Variants in NSUN7 observed in about 807,000 individuals in gnomAD.
NSUN7 encodes the protein NOP2/Sun RNA methyltransferase family member 7, also known as protein NSUN7.
Under a neutral mutation model 58.5 loss-of-function variants are expected in NSUN7, and 39 were observed. That is an observed-to-expected ratio of 0.67 (90% CI 0.52 to 0.87). The LOEUF is 0.87. NSUN7 is among the 40% of genes least tolerant of loss of function. The pLI, the probability that NSUN7 is intolerant of heterozygous loss-of-function variation, is 0.00. For synonymous variants in NSUN7, 278 were observed against 303.7 expected (o/e 0.92, Z 0.88); for missense variants, 765 against 844.1 (o/e 0.91, Z 1.16).
intron 7 of NSUN7, among the ~76,000 whole-genome samples, chr4:40,777,544 G>T (rs1742329354): frequency 6.6e-6 from 1 of 152,104 alleles, no homozygotes; most frequent in African/African-American, 2.4e-5. Flanking sequence ...TCGAACTCCT[G>T]ACCTCAGGTG....
At chr4:40,785,964 G>A in intron 7 of NSUN7, 1 of 1,132,872 alleles carries the variant, frequency 8.8e-7, no homozygotes, top group Non-Finnish European at 1.2e-6. Context: ...ATAGGTATCA[G>A]GGCGCCTCCC....
At chr4:40,768,360 C>T (rs1489179604) in intron 4 of NSUN7, among the ~76,000 whole-genome samples, 1 of 151,928 alleles carries the variant, frequency 6.6e-6, no homozygotes, top group Admixed American at 6.6e-5. Context: ...CGCCATTATG[C>T]CTGTGTTTTT....
chr4:40,778,021 GA>G, intron 7 of NSUN7, among the ~76,000 whole-genome samples: 1 of 152,268 alleles, frequency 6.6e-6, no homozygotes, highest in East Asian at 1.9e-4. Flanking sequence ...TTCTAGAACT[GA>G]AAAATACAAT....
intron 8 of NSUN7, among the ~76,000 whole-genome samples, chr4:40,792,106 G>A (rs1743095260): frequency 6.6e-6 from 1 of 152,178 alleles, no homozygotes; most frequent in Non-Finnish European, 1.5e-5. Flanking sequence ...TGGTAGAATG[G>A]TAGGTAGGCT....
intron 7 of NSUN7, among the ~76,000 whole-genome samples, chr4:40,785,676 A>AATTAC (rs58667526): frequency 6.6e-6 from 1 of 151,874 alleles, no homozygotes; most frequent in Non-Finnish European, 1.5e-5. Context: ...TTGGAATTAA[A>AATTAC]ATACTTCAAA....
Position 40,809,019 on chromosome 4 carries a change from T to C in NSUN7, c.*80T>C. 1 of 1,340,440 alleles carries C rather than the reference T, an allele frequency of 7.5e-7. No individual in the cohort carries two copies. The highest frequency in any genetic ancestry group is 9.9e-7 in the Non-Finnish European group (1 of 1,011,992). 83.0% of individuals were successfully genotyped at this position (1,340,440 alleles called of 1,614,324 possible). A position where few individuals can be genotyped will look rare whatever the true frequency, so the allele number is the denominator to read the frequency against. On this transcript the variant is annotated 3_prime_UTR_variant, in exon 12 of 12. Transcript: ENST00000381782. ...AGTATTTCTCTGAAGATTCTACATC[T>C]CTACACAAGATATTCATTCTTTTGG...
chr4:40,772,824 C>CA (rs1742076800), intron 4 of NSUN7, among the ~76,000 whole-genome samples: 1 of 152,206 alleles, frequency 6.6e-6, no homozygotes, highest in African/African-American at 2.4e-5. Context: ...AACCACAACT[C>CA]AGATCGTATT....
chr4:40,775,255 T>C lies in NSUN7; in HGVS notation c.825+305T>C, dbSNP rs1742210920. Reference sequence around the variant, plus strand: ...CCCTAAAGGAGAATTCAAGAGAAAGTACAATGAGACCTTTTCTTCCTTCCC... The same window carrying C: ...CCCTAAAGGAGAATTCAAGAGAAAGCACAATGAGACCTTTTCTTCCTTCCC... On this transcript the variant is annotated intron_variant, in intron 6 of 11. Coordinates refer to ENST00000381782, the MANE Select transcript of NSUN7 (RefSeq NM_024677.6). The surrounding 1 kb of genome is among the most constrained non-coding windows in gnomAD (Gnocchi z 4.3). 5.9e-6 allele frequency: 1 copy of C among 168,452 alleles called. No homozygotes were observed. The highest frequency in any genetic ancestry group is 6.3e-5 in the Admixed American group (1 of 15,888). 10.4% of individuals were successfully genotyped at this position (168,452 alleles called of 1,614,324 possible).
chr4:40,787,969 G>A (rs953085159), intron 7 of NSUN7, among the ~76,000 whole-genome samples: 4 of 152,114 alleles, frequency 2.6e-5, no homozygotes, highest in Non-Finnish European at 5.9e-5. Context: ...TGAGTAGCTG[G>A]GATTACAGAG....
At chr4:40,753,319 C>T (rs955308224) in intron 2 of NSUN7, among the ~76,000 whole-genome samples, 2 of 151,320 alleles carry the variant, frequency 1.3e-5, no homozygotes, top group Non-Finnish European at 2.9e-5. Flanking sequence ...CTCTGTCACC[C>T]AGGCTGGAGT....
intron 4 of NSUN7, among the ~76,000 whole-genome samples, chr4:40,769,179 ATCAC>A (rs1290154208): frequency 2.0e-5 from 3 of 152,212 alleles, no homozygotes; most frequent in Non-Finnish European, 4.4e-5. Flanking sequence ...ACCATAATCT[ATCAC>A]TTGGACTACC....
At chr4:40,760,838 GACA>G (rs1741422816) in intron 3 of NSUN7, among the ~76,000 whole-genome samples, 2 of 124,230 alleles carry the variant, frequency 1.6e-5, no homozygotes, top group Non-Finnish European at 3.2e-5. Flanking sequence ...CTCCAGCCTA[GACA>G]ACAAGAGTGA....
intron 7 of NSUN7, among the ~76,000 whole-genome samples, chr4:40,779,342 G>A (rs1742415491): frequency 1.3e-5 from 2 of 152,102 alleles, no homozygotes; most frequent in Non-Finnish European, 2.9e-5. Context: ...TGTGGCTCAC[G>A]CTTGTAATCC....
At chr4:40,803,632 A>G (rs923083507) in intron 10 of NSUN7, among the ~76,000 whole-genome samples, 3 of 152,170 alleles carry the variant, frequency 2.0e-5, no homozygotes, top group African/African-American at 7.2e-5. Flanking sequence ...GCTTTTTGAG[A>G]TGTAATTCAC....
intron 7 of NSUN7, among the ~76,000 whole-genome samples, chr4:40,788,574 C>A (rs544662296): frequency 2.5e-4 from 38 of 152,212 alleles, no homozygotes; most frequent in Admixed American, 2.0e-4. Flanking sequence ...CTCCGTTTCT[C>A]CATTGCCAAC....
Position 40,809,274 on chromosome 4 carries a change from C to T in NSUN7, c.*335C>T. ...TTCCCCTGCAGGGAAGGAAACACTG[C>T]CTCCCTTCAGCAGGTAGCTCATTAG... On this transcript the variant is annotated 3_prime_UTR_variant, in exon 12 of 12. Coordinates refer to ENST00000381782, the MANE Select transcript of NSUN7 (RefSeq NM_024677.6). The T allele has an allele frequency of 4.9e-6, 1 of 204,004 alleles. No individual in the cohort carries two copies. Among genetic ancestry groups the T allele is most frequent in the Non-Finnish European group, 9.8e-6 (1 of 102,132 alleles). The allele number at this position is 204,004 out of a possible 1,614,324, so 12.6% of individuals were successfully genotyped here.
chr4:40,780,275 G>A lies in NSUN7; in HGVS notation c.1036+4016G>A, dbSNP rs148605700. Among the ~76,000 whole-genome samples, 172 of 150,754 alleles carry A rather than the reference G, an allele frequency of 1.1e-3. 1 individual carries two copies. The highest frequency in any genetic ancestry group is 3.8e-3 in the African/African-American group (156 of 41,458). ...AGCCTAGGCAACAGAGTGAGACTCC[G>A]TCTCATAAATCAATCAATCAATCAA... is the stretch of plus-strand genomic sequence containing the variant. On this transcript the variant is annotated intron_variant, in intron 7 of 11. Transcript: ENST00000381782.
At chr4:40,808,252 G>A (rs2154289730) in intron 11 of NSUN7, 55 bp from the exon 12 acceptor site, 6 of 1,515,158 alleles carry the variant, frequency 4.0e-6, no homozygotes, top group Non-Finnish European at 5.3e-6. Flanking sequence ...AAATATTTGC[G>A]GGAGACACAA....
At chr4:40,770,418 A>G (rs1164782770) in intron 4 of NSUN7, among the ~76,000 whole-genome samples, 1 of 152,154 alleles carries the variant, frequency 6.6e-6, no homozygotes, top group Non-Finnish European at 1.5e-5. Context: ...CATGTTATGT[A>G]CTGAATACTG....
Sources: gnomAD v4.1 joint callset for allele counts (sites outside exome capture counted in the v4.1 genomes callset) on GRCh38, gnomAD v4.1.1 for gene constraint, Gnocchi (gnomAD v3.1) non-coding constraint, MANE v1.5 for transcripts, NCBI Gene and HGNC (gene_info 2026-07-23, HGNC 2026-07-21) for gene names.